Variants in PDS5B observed in about 807,000 individuals in gnomAD.
PDS5B encodes the protein sister chromatid cohesion protein PDS5 homolog B.
A neutral mutation model predicts 184.1 loss-of-function variants in PDS5B; 51 were observed. The ratio of observed to expected loss-of-function variants is 0.28; its 90% CI spans 0.22 to 0.35. PDS5B has a LOEUF of 0.35. PDS5B is among the 10% of genes least tolerant of loss of function. The probability of loss-of-function intolerance (pLI) is 1.00; values close to 1 mark genes in which losing one functional copy is unlikely to be tolerated. For missense variants in PDS5B, 1,180 were observed against 1,723.3 expected (o/e 0.68, Z 5.58); for synonymous variants, 566 against 569.2 (o/e 0.99, Z 0.08).
chr13:32,611,983 C>T (rs969777675), intron 1 of PDS5B, among the ~76,000 whole-genome samples: 1 of 151,778 alleles, frequency 6.6e-6, no homozygotes, highest in African/African-American at 2.4e-5. Context: ...CTCTCATATT[C>T]AGTACTTTTA....
intron 1 of PDS5B, among the ~76,000 whole-genome samples, chr13:32,626,021 G>A (rs1050919002): frequency 6.6e-6 from 1 of 152,036 alleles, no homozygotes; most frequent in African/African-American, 2.4e-5. Flanking sequence ...TGTGTTTTTA[G>A]TAGGTATGGG....
intron 19 of PDS5B, among the ~76,000 whole-genome samples, chr13:32,727,040 G>A (rs1379832085): frequency 6.6e-6 from 1 of 152,064 alleles, no homozygotes; most frequent in Non-Finnish European, 1.5e-5. Context: ...CTGTTTCAAT[G>A]GGAGTGCTTA....
intron 24 of PDS5B, among the ~76,000 whole-genome samples, chr13:32,750,909 G>A (rs968429895): frequency 6.7e-6 from 1 of 149,198 alleles, no homozygotes; most frequent in South Asian, 2.1e-4. Flanking sequence ...AGGTTCAGGG[G>A]TACATGTACA....
chr13:32,664,399 C>T (rs1950729908), intron 6 of PDS5B, among the ~76,000 whole-genome samples: 1 of 152,086 alleles, frequency 6.6e-6, no homozygotes, highest in South Asian at 2.1e-4. Context: ...ATGTGAGGTA[C>T]TTAGAAATTT....
At chr13:32,602,366 C>A (rs892476992) in intron 1 of PDS5B, among the ~76,000 whole-genome samples, 2 of 152,126 alleles carry the variant, frequency 1.3e-5, no homozygotes, top group Admixed American at 6.6e-5. Flanking sequence ...TCTGGCCTTG[C>A]AATAGTTTGC....
Position 32,774,974 on chromosome 13 carries a change from A to ATAT in PDS5B, c.4309-42_4309-40dup, listed in dbSNP as rs1179636464. On this transcript the variant is annotated intron_variant, in intron 34 of 34. Transcript: ENST00000315596. ...AATGATTACTGCATATCTTATGCAC[A>ATAT]TATACCCATTTTAATTAAGCATCTG... is the stretch of plus-strand genomic sequence containing the variant. The ATAT allele has an allele frequency of 3.9e-6, 6 of 1,555,290 alleles. No homozygotes were observed. The African/African-American group carries it at 8.1e-5, about 21-fold the overall frequency.
At chr13:32,622,947 A>G (rs912782662) in intron 1 of PDS5B, among the ~76,000 whole-genome samples, 1 of 152,076 alleles carries the variant, frequency 6.6e-6, no homozygotes, top group African/African-American at 2.4e-5. Context: ...GGGGAATGGG[A>G]GATAGTTCTT....
At position 32,626,319 on chromosome 13, in the gene PDS5B, A is replaced by G. The variant is rs140319860; in HGVS notation, c.-19-22435A>G. 3.6e-3 allele frequency among the ~76,000 whole-genome samples: 542 copies of G among 152,338 alleles called. 1 individual carries two copies. Among genetic ancestry groups the G allele is most frequent in the Non-Finnish European group, 6.0e-3 (410 of 68,036 alleles). ...CCTATGTTCCTCCTCAACTACAAAC[A>G]GAACTTTGCTTTTTCTGTATTTTGT... On this transcript the variant is annotated intron_variant, in intron 1 of 34. Coordinates refer to ENST00000315596, the MANE Select transcript of PDS5B (RefSeq NM_015032.4).
intron 13 of PDS5B, chr13:32,689,575 G>A (rs1951489318): frequency 6.6e-6 from 1 of 152,066 alleles, no homozygotes; most frequent in African/African-American, 2.4e-5. Context: ...TGGTTTAAGT[G>A]ACATTTTTCC....
intron 33 of PDS5B, 58 bp downstream of exon 33, chr13:32,770,819 A>G: frequency 3.9e-6 from 5 of 1,288,668 alleles, no homozygotes; most frequent in Non-Finnish European, 5.5e-6. Flanking sequence ...AAAGTTCCTA[A>G]ATTTGTAAAC....
At chr13:32,609,059 G>C (rs571334058) in intron 1 of PDS5B, among the ~76,000 whole-genome samples, 1 of 152,292 alleles carries the variant, frequency 6.6e-6, no homozygotes, top group South Asian at 2.1e-4. Context: ...AGCCATCACA[G>C]TTCACCCTCT....
At chr13:32,669,166 T>C (rs1950870787) in intron 7 of PDS5B, among the ~76,000 whole-genome samples, 1 of 152,134 alleles carries the variant, frequency 6.6e-6, no homozygotes, top group South Asian at 2.1e-4. Flanking sequence ...TCTGTAATTA[T>C]CCTTTTCCCT....
intron 10 of PDS5B, among the ~76,000 whole-genome samples, chr13:32,682,175 C>CT (rs943554798): frequency 9.2e-5 from 14 of 151,770 alleles, no homozygotes; most frequent in African/African-American, 2.2e-4. Context: ...CTACAGTTTC[C>CT]TTTTTTTTAA....
At position 32,741,072 on chromosome 13, in the gene PDS5B, A is replaced by C; in HGVS notation, c.2407-8A>C. The C allele has an allele frequency of 2.6e-6, 3 of 1,165,376 alleles. No homozygotes were observed. The highest frequency in any genetic ancestry group is 2.3e-6 in the Non-Finnish European group (2 of 865,120). The allele number at this position is 1,165,376 out of a possible 1,614,324, so 72.2% of individuals were successfully genotyped here. ...CCTGGTTTTTTTTTTTTTCTCGTTT[A>C]TTTTTAGCTTCCAGGGAAAAAGACA... On this transcript the variant is annotated splice_polypyrimidine_tract_variant and splice_region_variant and intron_variant, in intron 21 of 34. Transcript: ENST00000315596.
intron 19 of PDS5B, among the ~76,000 whole-genome samples, chr13:32,721,721 A>T (rs1438034843): frequency 1.5e-5 from 2 of 130,106 alleles, no homozygotes; most frequent in African/African-American, 3.0e-5. Context: ...CTTAGACAGG[A>T]TGACGGCCGG....
intron 6 of PDS5B, among the ~76,000 whole-genome samples, 186 bp from the exon 7 acceptor site, chr13:32,667,578 G>A (rs1403354223): frequency 3.9e-5 from 6 of 152,134 alleles, no homozygotes; most frequent in Admixed American, 3.9e-4. Flanking sequence ...TCCTTACGTG[G>A]ATGGAATCTT....
chr13:32,638,131 C>T (rs1324609605), intron 1 of PDS5B, among the ~76,000 whole-genome samples: 1 of 152,164 alleles, frequency 6.6e-6, no homozygotes, highest in Non-Finnish European at 1.5e-5. Flanking sequence ...TCTAATTTTC[C>T]ACTGGGATAG....
At chr13:32,746,178 A>C (rs1566403259) in intron 24 of PDS5B, 78 bp downstream of exon 24, 1 of 1,211,142 alleles carries the variant, frequency 8.3e-7, no homozygotes, top group East Asian at 2.4e-5. Context: ...TGTGATACAT[A>C]GATTAAAATC....
At chr13:32,758,759 A>G (rs1954274445) in intron 28 of PDS5B, 106 bp downstream of exon 28, 1 of 1,078,288 alleles carries the variant, frequency 9.3e-7, no homozygotes, top group South Asian at 1.4e-5. Context: ...GTGAGTCTTA[A>G]GAATGTGATT....
Sources: gnomAD v4.1 joint callset for allele counts (sites outside exome capture counted in the v4.1 genomes callset) on GRCh38, gnomAD v4.1.1 for gene constraint, MANE v1.5 for transcripts, NCBI Gene and HGNC (gene_info 2026-07-23, HGNC 2026-07-21) for gene names.